The following CATSPERD variants were observed in gnomAD, a reference collection of about 807,000 sequenced individuals.
CATSPERD encodes cation channel sperm-associated auxiliary subunit delta.
Under a neutral mutation model 98.1 loss-of-function variants are expected in CATSPERD, and 86 were observed. That is an observed-to-expected ratio of 0.88 (90% CI 0.74 to 1.05). CATSPERD has a LOEUF of 1.05. Among genes scored for constraint, CATSPERD ranks in the 50% least tolerant of loss-of-function variants. The pLI, the probability that CATSPERD is intolerant of heterozygous loss-of-function variation, is 0.00. For synonymous variants in CATSPERD, 394 were observed against 390.2 expected (o/e 1.01, Z -0.12); for missense variants, 995 against 1,005.7 (o/e 0.99, Z 0.14).
chr19:5,734,224 C>T (rs563802619), intron 5 of CATSPERD, among the ~76,000 whole-genome samples: 4 of 152,280 alleles, frequency 2.6e-5, no homozygotes, highest in South Asian at 2.1e-4. Flanking sequence ...AGGCATTGGC[C>T]GGGTGCGCTG....
At chr19:5,752,006 A>AT (rs745584240) in intron 12 of CATSPERD, among the ~76,000 whole-genome samples, 183 bp downstream of exon 12, 3 of 151,410 alleles carry the variant, frequency 2.0e-5, no homozygotes, top group African/African-American at 4.9e-5. Flanking sequence ...ACAAAAAAAA[A>AT]TTTTTTTTTA....
intron 12 of CATSPERD, chr19:5,753,718 A>T: frequency 3.8e-6 from 1 of 261,110 alleles, no homozygotes; most frequent in Non-Finnish European, 7.9e-6. Context: ...AAAAAAAAAA[A>T]TTGAATTAGC....
intron 16 of CATSPERD, among the ~76,000 whole-genome samples, chr19:5,765,232 GT>G (rs1308067987): frequency 3.3e-5 from 5 of 152,154 alleles, no homozygotes; most frequent in Non-Finnish European, 4.4e-5. Flanking sequence ...ATACAAAACA[GT>G]TTTCAAATAC....
rs774351899 is a variant in CATSPERD, at chr19:5,749,177, A to G, written c.981A>G (p.Ile327Met). 1.9e-6 allele frequency: 3 copies of G among 1,610,828 alleles called. No individual in the cohort carries two copies. The African/African-American group carries it at 4.0e-5, about 22-fold the overall frequency. Residue 327 changes from isoleucine (I) to methionine (M), a missense_variant, in exon 11 of 22, where the codon ATA becomes ATG. This residue lies in a region of CATSPERD where 762 missense variants were observed against 773.7 expected (regional missense o/e 0.98). Coordinates refer to ENST00000381624, the MANE Select transcript of CATSPERD (RefSeq NM_152784.4). ...YGNLGIVPSS[I>M]IKFADQYIWS... ...ATCTGGGCATCGTGCCAAGTTCCAT[A>G]ATCAAAGTAGGTAAAAAGAAAGTGG...
intron 20 of CATSPERD, among the ~76,000 whole-genome samples, chr19:5,775,071 C>T (rs2056716244): frequency 3.9e-5 from 6 of 152,262 alleles, no homozygotes; most frequent in African/African-American, 2.4e-5. Flanking sequence ...AGTTATTAAG[C>T]CTCCAGCCTC....
At chr19:5,738,537 AAAAC>A (rs2055894090) in intron 6 of CATSPERD, among the ~76,000 whole-genome samples, 1 of 152,044 alleles carries the variant, frequency 6.6e-6, no homozygotes, top group African/African-American at 2.4e-5. Context: ...TCTCGAAACA[AAAAC>A]AAACCAAAAA....
chr19:5,768,075 C>T, intron 17 of CATSPERD, 93 bp from the exon 18 acceptor site: 6 of 1,152,696 alleles, frequency 5.2e-6, no homozygotes, highest in South Asian at 1.3e-5. Flanking sequence ...GGGCCTGAGC[C>T]ACCACGCCCA....
intron 17 of CATSPERD, among the ~76,000 whole-genome samples, chr19:5,766,378 G>T (rs1006858726): frequency 6.6e-6 from 1 of 151,866 alleles, no homozygotes; most frequent in East Asian, 2.0e-4. Context: ...TTGAACCTGG[G>T]AGGTGGAGGC....
chr19:5,723,102 G>C (rs1221882442), intron 1 of CATSPERD, among the ~76,000 whole-genome samples: 1 of 150,942 alleles, frequency 6.6e-6, no homozygotes, highest in Non-Finnish European at 1.5e-5. Flanking sequence ...CAGGAGAATG[G>C]CGTGAACCCG....
At chr19:5,747,801 AAG>A (rs2056124589) in intron 9 of CATSPERD, among the ~76,000 whole-genome samples, 4 of 151,698 alleles carry the variant, frequency 2.6e-5, no homozygotes, top group Admixed American at 6.6e-5. Context: ...TAGTAGAGAC[AAG>A]GTTTTGCCAT....
At chr19:5,753,785 A>C (rs941843798) in intron 12 of CATSPERD, 3 of 254,888 alleles carry the variant, frequency 1.2e-5, no homozygotes, top group African/African-American at 6.7e-5. Context: ...AGGGAAGAGG[A>C]TTGCTTGATC....
intron 7 of CATSPERD, 43 bp from the exon 8 acceptor site, chr19:5,744,384 A>T (rs1450457716): frequency 2.0e-6 from 3 of 1,489,746 alleles, no homozygotes; most frequent in Non-Finnish European, 2.8e-6. Context: ...ACACATGTGT[A>T]TTAAGATTTA....
chr19:5,734,792 ACT>A (rs1271373458), intron 5 of CATSPERD, among the ~76,000 whole-genome samples: 17 of 149,688 alleles, frequency 1.1e-4, no homozygotes, highest in Non-Finnish European at 2.2e-4. Context: ...ACAGAGTGAG[ACT>A]CTGTCTAAAA....
At chr19:5,733,008 T>C (rs1372541535) in intron 4 of CATSPERD, among the ~76,000 whole-genome samples, 1 of 148,916 alleles carries the variant, frequency 6.7e-6, no homozygotes, top group Non-Finnish European at 1.5e-5. Flanking sequence ...TTTCTTTTTC[T>C]TTTTTTTTTC....
At chr19:5,761,612 G>A (rs914113716) in intron 15 of CATSPERD, among the ~76,000 whole-genome samples, 6 of 152,366 alleles carry the variant, frequency 3.9e-5, no homozygotes, top group East Asian at 1.9e-4. Context: ...CAATCATGGC[G>A]GAAGGCGAAG....
At chr19:5,759,511 G>A (rs2056393739) in intron 15 of CATSPERD, among the ~76,000 whole-genome samples, 1 of 147,320 alleles carries the variant, frequency 6.8e-6, no homozygotes, top group Non-Finnish European at 1.5e-5. Flanking sequence ...GGTGCAGTGA[G>A]CCGAGATCGT....
rs542853847 is a variant in CATSPERD, at chr19:5,748,087, T to C, written c.809-73T>C. On this transcript the variant is annotated intron_variant, in intron 9 of 21. Coordinates refer to ENST00000381624, the MANE Select transcript of CATSPERD (RefSeq NM_152784.4). ...GGTTGGGTGGTGGCAGGGGTGGCTG[T>C]GGTCCCAGTAGTAGACATCCCCTTT... 102 of 1,253,970 alleles carry C rather than the reference T, an allele frequency of 8.1e-5. 1 individual carries two copies. In the African/African-American group the frequency reaches 1.4e-3, roughly 17 times the overall value. The allele number at this position is 1,253,970 out of a possible 1,614,324, so 77.7% of individuals were successfully genotyped here.
At position 5,764,862 on chromosome 19, in the gene CATSPERD, G is replaced by A. The variant is rs138537387; in HGVS notation, c.1507-1241G>A. On this transcript the variant is annotated intron_variant, in intron 16 of 21. Coordinates refer to ENST00000381624, the MANE Select transcript of CATSPERD (RefSeq NM_152784.4). ...ACTCCTGACCTCAGGCAATTTGCCC[G>A]CCTTGGCCTCCCAAAGTGCTGGGAT... Among the ~76,000 whole-genome samples the A allele has an allele frequency of 5.6e-3, 846 of 152,068 alleles. 5 individuals carry two copies. Among genetic ancestry groups the A allele is most frequent in the Non-Finnish European group, 8.9e-3 (603 of 67,990 alleles).
chr19:5,754,267 T>C lies in CATSPERD; in HGVS notation c.1278+22T>C, dbSNP rs574059474. 4 of 1,557,404 alleles carry C rather than the reference T, an allele frequency of 2.6e-6. No homozygotes were observed. In the East Asian group the frequency reaches 9.0e-5, roughly 35 times the overall value. ...TCTGGTAAGTACATCTTAATGTTTCTGCTATCTGGGATTCTCAGCCACATG... is the reference window on the plus strand; with the variant it reads ...TCTGGTAAGTACATCTTAATGTTTCCGCTATCTGGGATTCTCAGCCACATG... On this transcript the variant is annotated intron_variant, in intron 13 of 21. Transcript: ENST00000381624.
Sources: gnomAD v4.1 joint callset for allele counts (sites outside exome capture counted in the v4.1 genomes callset) on GRCh38, gnomAD v4.1.1 for gene constraint, gnomAD v4.1.1 regional missense constraint, MANE v1.5 for transcripts, NCBI Gene and HGNC (gene_info 2026-07-23, HGNC 2026-07-21) for gene names.